ZNF560: variants seen among roughly 807,000 people sequenced by gnomAD.
ZNF560 encodes zinc finger protein 560.
In ZNF560, 54 loss-of-function variants were observed where a neutral mutation model predicts 81.8. The observed-to-expected ratio is 0.66, with a 90% CI of 0.53 to 0.83. The LOEUF (loss-of-function observed/expected upper bound fraction) is 0.83. Among genes scored for constraint, ZNF560 ranks in the 40% least tolerant of loss-of-function variants. ZNF560 has a pLI of 0.00. For synonymous variants in ZNF560, 321 were observed against 317.9 expected (o/e 1.01, Z -0.10); for missense variants, 940 against 932.4 (o/e 1.01, Z -0.11).
chr19:9,499,303 T>G (rs2073611303), upstream of ZNF560, among the ~76,000 whole-genome samples: 1 of 151,894 alleles, frequency 6.6e-6, no homozygotes, highest in East Asian at 1.9e-4. Context: ...GCCTCCCGAG[T>G]AGCTGGGACC....
Position 9,481,476 on chromosome 19 carries a change from T to C in ZNF560, c.-56-6107A>G, listed in dbSNP as rs553512401. ...ACAGCAAAAGAAACTGCCATCAGAG[T>C]GAACAGGCAACCTACAGAATGGGAG... On this transcript the variant is annotated intron_variant, in intron 2 of 9. Transcript: ENST00000301480. 1.4e-3 allele frequency among the ~76,000 whole-genome samples: 216 copies of C among 152,116 alleles called. 1 individual carries two copies. The highest frequency in any genetic ancestry group is 4.9e-3 in the African/African-American group (205 of 41,480).
At position 9,466,427 on chromosome 19, in the gene ZNF560, C is replaced by T. The variant is rs2073016928; in HGVS notation, c.*147G>A. ...GGTTTCTCTACAGTGTGAGTTTGTA[C>T]ATATCTAGAAAGATTCAACTGTTCA... On this transcript the variant is annotated 3_prime_UTR_variant, in exon 10 of 10. Transcript: ENST00000301480. The T allele has an allele frequency of 4.4e-6, 3 of 687,258 alleles. No individual in the cohort carries two copies. In the Admixed American group the frequency reaches 9.2e-5, roughly 21 times the overall value. 42.6% of individuals were successfully genotyped at this position (687,258 alleles called of 1,614,324 possible). A position where few individuals can be genotyped will look rare whatever the true frequency, so the allele number is the denominator to read the frequency against.
chr19:9,476,869 G>A (rs929968082), intron 2 of ZNF560, among the ~76,000 whole-genome samples: 1 of 152,120 alleles, frequency 6.6e-6, no homozygotes, highest in Non-Finnish European at 1.5e-5. Flanking sequence ...CTTACCATAG[G>A]GCAAATCCTG....
chr19:9,466,343 A>C (rs1300364996), downstream of ZNF560, among the ~76,000 whole-genome samples: 1 of 131,622 alleles, frequency 7.6e-6, no homozygotes, highest in African/African-American at 3.3e-5. Flanking sequence ...GAGACTCATC[A>C]AAAAAAAAAA....
Position 9,469,112 on chromosome 19 carries a change from A to G in ZNF560, c.605T>C (p.Ile202Thr), listed in dbSNP as rs1402398505. The G allele has an allele frequency of 1.9e-6, 3 of 1,589,378 alleles. No homozygotes were observed. Among genetic ancestry groups the G allele is most frequent in the Non-Finnish European group, 8.6e-7 (1 of 1,168,068 alleles). The part of the protein sequence containing the change: ...DNFCLKTLNG[I>T]QLARNQNGEE... ...TTCTTTTGTTAATCTTACCAACTGT[A>G]TCCCATTTAATGTTTTTAAACAAAA... Residue 202 changes from isoleucine (I) to threonine (T), a missense_variant, in exon 9 of 10, where the codon ATA becomes ACA. Physicochemically the swap from Ile to Thr is moderately conservative, Grantham distance 89. Coordinates refer to ENST00000301480, the MANE Select transcript of ZNF560 (RefSeq NM_152476.3).
At chr19:9,478,087 A>G (rs1381368661) in intron 2 of ZNF560, among the ~76,000 whole-genome samples, 2 of 152,192 alleles carry the variant, frequency 1.3e-5, no homozygotes, top group Non-Finnish European at 2.9e-5. Context: ...ACCCTAAGAT[A>G]TAATATAATC....
chr19:9,453,825 C>T, the ZNF560 span, among the ~76,000 whole-genome samples: 1 of 152,148 alleles, frequency 6.6e-6, no homozygotes, highest in African/African-American at 2.4e-5. Flanking sequence ...TAAGAAAGTA[C>T]TGTATGAGTT....
At chr19:9,492,870 G>A (rs2073494544) in intron 2 of ZNF560, among the ~76,000 whole-genome samples, 1 of 152,164 alleles carries the variant, frequency 6.6e-6, no homozygotes, top group African/African-American at 2.4e-5. Context: ...ACTGTAATTT[G>A]GAGATCTGAG....
chr19:9,457,608 A>G, the ZNF560 span, among the ~76,000 whole-genome samples: 3 of 152,146 alleles, frequency 2.0e-5, no homozygotes, highest in Non-Finnish European at 4.4e-5. Flanking sequence ...GGAGAATTCA[A>G]TTTCTCATGC....
At position 9,490,912 on chromosome 19, in the gene ZNF560, A is replaced by G. The variant is rs2073462091; in HGVS notation, c.-57+7216T>C. Reference sequence around the variant, plus strand: ...TGGAGAATTACGGGGGACTATCATAACTTATATCAATTCTCCTGTTTTCCA... The same window carrying G: ...TGGAGAATTACGGGGGACTATCATAGCTTATATCAATTCTCCTGTTTTCCA... On this transcript the variant is annotated intron_variant, in intron 2 of 9. Transcript: ENST00000301480. 2.0e-5 allele frequency among the ~76,000 whole-genome samples: 3 copies of G among 152,212 alleles called. No homozygotes were observed. The South Asian group carries it at 6.2e-4, about 32-fold the overall frequency.
At chr19:9,504,518 T>A in the ZNF560 span, among the ~76,000 whole-genome samples, 1 of 152,234 alleles carries the variant, frequency 6.6e-6, no homozygotes, top group African/African-American at 2.4e-5. Flanking sequence ...AGATGTTCCA[T>A]GTGAACTTAA....
chr19:9,482,953 G>A (rs1037858870), intron 2 of ZNF560, among the ~76,000 whole-genome samples: 8 of 152,152 alleles, frequency 5.3e-5, no homozygotes, highest in East Asian at 1.9e-4. Flanking sequence ...ATGGAGTCTC[G>A]TTCACTCAGT....
chr19:9,502,318 TCTC>T (rs1180083186), upstream of ZNF560, among the ~76,000 whole-genome samples: 2 of 151,872 alleles, frequency 1.3e-5, no homozygotes, highest in Admixed American at 6.6e-5. Context: ...TTCAAGCAAT[TCTC>T]CTGCTTCAGC....
intron 3 of ZNF560, among the ~76,000 whole-genome samples, chr19:9,475,012 T>C (rs577131922): frequency 6.6e-6 from 1 of 152,032 alleles, no homozygotes; most frequent in South Asian, 2.1e-4. Flanking sequence ...CATCTTCCTT[T>C]CCATCTGCCA....
rs138571971 is a variant in ZNF560 at position 9,467,472 on chromosome 19, T to C, written c.1475A>G (p.Gln492Arg). The change falls in exon 10 of 10, where the codon CAG (glutamine) becomes CGG (arginine). Residue 492 changes from glutamine to arginine, a missense_variant. Gln to Arg is a conservative substitution (Grantham distance 43). Transcript: ENST00000301480. ...NTGQKRFDCDQCGKVFVSFSS... is the reference protein window; with the variant it reads ...NTGQKRFDCDRCGKVFVSFSS... ...GAAAGAAACAAAGACTTTCCCACAC[T>C]GGTCACAATCAAAGCGTTTCTGTCC... The C allele has an allele frequency of 1.8e-5, 29 of 1,614,030 alleles. No homozygotes were observed. Among genetic ancestry groups the C allele is most frequent in the Non-Finnish European group, 2.3e-5 (27 of 1,180,028 alleles).
At chr19:9,506,414 G>T in the ZNF560 span, among the ~76,000 whole-genome samples, 6,829 of 138,530 alleles carry the variant, frequency 0.049, 217 homozygotes, top group Non-Finnish European at 0.075. Flanking sequence ...CGCTTCTGTT[G>T]TTTTTTTTTT....
intron 2 of ZNF560, among the ~76,000 whole-genome samples, chr19:9,489,834 C>G (rs894491911): frequency 3.9e-5 from 6 of 152,192 alleles, no homozygotes; most frequent in Non-Finnish European, 7.3e-5. Context: ...TCATGATCCG[C>G]CCACCTCAGC....
At chr19:9,448,479 C>A in the ZNF560 span, among the ~76,000 whole-genome samples, 1 of 147,274 alleles carries the variant, frequency 6.8e-6, no homozygotes, top group East Asian at 2.0e-4. Flanking sequence ...GAGGTGTCCA[C>A]CCTCCTCAGC....
chr19:9,486,377 G>A (rs1358927765), intron 2 of ZNF560, among the ~76,000 whole-genome samples: 3 of 152,112 alleles, frequency 2.0e-5, no homozygotes, highest in Middle Eastern at 6.3e-3. Flanking sequence ...GTACAGGGTG[G>A]AAAGTAAAAA....
Sources: allele counts gnomAD v4.1 joint callset (sites outside exome capture counted in the v4.1 genomes callset), GRCh38; gene constraint gnomAD v4.1.1; transcripts MANE v1.5; gene names NCBI Gene and HGNC (gene_info 2026-07-23, HGNC 2026-07-21).